SYNM: variants seen among roughly 807,000 people sequenced by gnomAD.
SYNM encodes the protein desmuslin.
A neutral mutation model predicts 104.0 loss-of-function variants in SYNM; 95 were observed. The ratio of observed to expected loss-of-function variants is 0.91; its 90% CI spans 0.77 to 1.08. The LOEUF is 1.08. SYNM is among the 50% of genes least tolerant of loss of function. The pLI, the probability that SYNM is intolerant of heterozygous loss-of-function variation, is 0.00. For missense variants in SYNM, 2,150 were observed against 2,052.2 expected (o/e 1.05, Z -0.92); for synonymous variants, 918 against 869.0 (o/e 1.06, Z -0.99).
intron 1 of SYNM, among the ~76,000 whole-genome samples, chr15:99,108,791 G>GT (rs2067273142): frequency 6.6e-6 from 1 of 152,106 alleles, no homozygotes; most frequent in Non-Finnish European, 1.5e-5. Flanking sequence ...CTGGGCGTCC[G>GT]TTTCTCTCTT....
chr15:99,110,308 A>G (rs1433133745), intron 1 of SYNM, among the ~76,000 whole-genome samples: 3 of 152,178 alleles, frequency 2.0e-5, no homozygotes, highest in African/African-American at 7.2e-5. Flanking sequence ...CCAATTGTAT[A>G]CACCCTGGGA....
At chr15:99,106,070 C>T in intron 1 of SYNM, 61 bp downstream of exon 1, 10 of 1,349,366 alleles carry the variant, frequency 7.4e-6, no homozygotes, top group Non-Finnish European at 7.6e-6. Context: ...AGCACCCTGC[C>T]CTTGACGGCG....
intron 3 of SYNM, among the ~76,000 whole-genome samples, chr15:99,127,696 G>A (rs2067460125): frequency 6.6e-6 from 1 of 152,180 alleles, no homozygotes; most frequent in South Asian, 2.1e-4. Context: ...AAAAAGCAAA[G>A]GTGTTCATGG....
At chr15:99,136,755 G>GTGACC, downstream of SYNM, 1 of 151,720 alleles carries the variant, frequency 6.6e-6, no homozygotes, top group Non-Finnish European at 1.5e-5. Context: ...GGTGAGTAGT[G>GTGACC]ACATCTTACA....
chr15:99,120,551 C>T (rs549551917), intron 2 of SYNM, among the ~76,000 whole-genome samples: 1 of 152,286 alleles, frequency 6.6e-6, no homozygotes, highest in Admixed American at 6.5e-5. Context: ...CCTCAGCCTT[C>T]TCTGGAGACA....
At position 99,105,918 on chromosome 15, in the gene SYNM, A is replaced by G. The variant is rs1555482680; in HGVS notation, c.719A>G (p.Glu240Gly). The change falls in exon 1 of 4, where the codon GAG becomes GGG. Residue 240 changes from glutamate (E) to glycine (G), a missense_variant. Physicochemically the swap from Glu to Gly is moderately conservative, Grantham distance 98 (BLOSUM62 -2). Coordinates refer to ENST00000336292, the MANE Select transcript of SYNM (RefSeq NM_145728.3). ...CAQEAEALRR[E>G]ALGLEQLRAR... ...CAGGAGGCAGAGGCGCTGCGGCGCG[A>G]GGCGCTCGGGTTGGAGCAGCTGCGC... The G allele has an allele frequency of 6.5e-6, 10 of 1,531,606 alleles. No homozygotes were observed. Among genetic ancestry groups the G allele is most frequent in the Non-Finnish European group, 8.7e-6 (10 of 1,144,144 alleles). 94.9% of individuals were successfully genotyped at this position (1,531,606 alleles called of 1,614,324 possible). A position where few individuals can be genotyped will look rare whatever the true frequency, so the allele number is the denominator to read the frequency against.
rs782685386 is a variant in SYNM, at chr15:99,105,441, C to T, written c.242C>T (p.Ala81Val). The T allele has an allele frequency of 2.1e-6, 3 of 1,442,178 alleles. No homozygotes were observed. The highest frequency in any genetic ancestry group is 4.9e-4 in the Middle Eastern group (2 of 4,072). 89.3% of individuals were successfully genotyped at this position (1,442,178 alleles called of 1,614,324 possible). A position where few individuals can be genotyped will look rare whatever the true frequency, so the allele number is the denominator to read the frequency against. ...LDELSWATALAEGERDALRRE... is the reference protein window; with the variant it reads ...LDELSWATALVEGERDALRRE... ...GAGCTGAGCTGGGCCACTGCGCTGG[C>T]GGAGGGCGAGCGGGACGCTCTGCGG... Residue 81 changes from alanine (A) to valine (V), a missense_variant, in exon 1 of 4, where the codon GCG becomes GTG. Coordinates refer to ENST00000336292, the MANE Select transcript of SYNM (RefSeq NM_145728.3).
chr15:99,116,974 C>T (rs558804955), intron 2 of SYNM, among the ~76,000 whole-genome samples: 3 of 144,032 alleles, frequency 2.1e-5, no homozygotes, highest in Admixed American at 1.4e-4. Flanking sequence ...TGTGCCTAGC[C>T]GGTGCTGGGT....
In SYNM at chr15:99,131,488, G is replaced by A. The variant is rs201419358; in HGVS notation, c.3128G>A (p.Arg1043His). The A allele has an allele frequency of 9.9e-5, 159 of 1,605,970 alleles. 1 individual carries two copies. In the African/African-American group the frequency reaches 1.9e-3, roughly 19 times the overall value. ...GTTCGGGAGAGCCTGAGCAGGCAAC[G>A]CAGCCCAGCGCCTGGCAGCCCAGAT... ...SVVRESLSRQ[R>H]SPAPGSPDEE... The change falls in exon 4 of 4, where the codon CGC becomes CAC. Residue 1043 changes from arginine to histidine, a missense_variant. Transcript: ENST00000336292. The surrounding 1 kb of genome is among the most constrained non-coding windows in gnomAD (Gnocchi z 4.3).
chr15:99,129,052 A>G (rs1555485331), intron 3 of SYNM: 2 of 243,946 alleles, frequency 8.2e-6, no homozygotes, highest in East Asian at 1.7e-4. Flanking sequence ...CACAAAAACG[A>G]GCACCTCTGA....
chr15:99,139,224 A>G (rs782276322), downstream of SYNM: 31 of 1,492,902 alleles, frequency 2.1e-5, no homozygotes, highest in Non-Finnish European at 2.8e-5. Context: ...CATTCCAGAG[A>G]AGGTTACACA....
Position 99,105,461 on chromosome 15 carries a change from C to G in SYNM, c.262C>G (p.Leu88Val), listed in dbSNP as rs2067223320. 2.9e-6 allele frequency: 4 copies of G among 1,402,222 alleles called. No homozygotes were observed. The highest frequency in any genetic ancestry group is 3.1e-5 in the East Asian group (1 of 32,324). The allele number at this position is 1,402,222 out of a possible 1,614,324, so 86.9% of individuals were successfully genotyped here. The change falls in exon 1 of 4, where the codon CTG (leucine) becomes GTG (valine). Residue 88 changes from leucine (L) to valine (V), a missense_variant. Coordinates refer to ENST00000336292, the MANE Select transcript of SYNM (RefSeq NM_145728.3). Reference protein sequence around the residue: ...TALAEGERDALRRELRELQRL... With the variant: ...TALAEGERDAVRRELRELQRL... ...GCTGGCGGAGGGCGAGCGGGACGCT[C>G]TGCGGCGCGAGCTGCGGGAGCTGCA...
Position 99,106,020 on chromosome 15 carries a change from G to T in SYNM, c.810+11G>T, listed in dbSNP as rs1356781281. On this transcript the variant is annotated intron_variant, in intron 1 of 3. Coordinates refer to ENST00000336292, the MANE Select transcript of SYNM (RefSeq NM_145728.3). ...GCCGAGGAGCGGCAGGTCCGTGCGC[G>T]GGGATGGCGCGCTGACCCCATACCC... 4.9e-6 allele frequency: 7 copies of T among 1,439,412 alleles called. No individual in the cohort carries two copies. In the East Asian group the frequency reaches 8.2e-5, roughly 17 times the overall value. The allele number at this position is 1,439,412 out of a possible 1,614,324, so 89.2% of individuals were successfully genotyped here.
At chr15:99,137,999 G>A (rs1555487935), downstream of SYNM, 6 of 1,613,968 alleles carry the variant, frequency 3.7e-6, no homozygotes, top group Non-Finnish European at 5.1e-6. Context: ...GGCTTTTTCA[G>A]GGTGGGGGCC....
rs1567282854 is a variant in SYNM, at chr15:99,130,043, T to G, written c.1683T>G (p.Ala561=). The G allele has an allele frequency of 1.3e-5, 21 of 1,613,774 alleles. No individual in the cohort carries two copies. The South Asian group carries it at 2.3e-4, about 18-fold the overall frequency. Residue 561 remains alanine, a synonymous_variant, in exon 4 of 4, where the codon GCT becomes GCG. Transcript: ENST00000336292. ...QRESQQMKEK[A]KEKDSPKEKS... is the part of the protein sequence containing the mutation. ...AAAGCCAGCAGATGAAGGAGAAGGCTAAGGAGAAGGACTCACCGAAGGAGA... is the reference window on the plus strand; with the variant it reads ...AAAGCCAGCAGATGAAGGAGAAGGCGAAGGAGAAGGACTCACCGAAGGAGA...
At chr15:99,115,850 G>A (rs186655291) in intron 2 of SYNM, among the ~76,000 whole-genome samples, 109 of 152,370 alleles carry the variant, frequency 7.2e-4, no homozygotes, top group African/African-American at 2.5e-3. Context: ...TACGTTGCTT[G>A]TAGTTTACAT....
Position 99,131,510 on chromosome 15 carries a change from A to G in SYNM, c.3150A>G (p.Pro1050=). 1 of 1,607,208 alleles carries G rather than the reference A, an allele frequency of 6.2e-7. No individual in the cohort carries two copies. ...AACGCAGCCCAGCGCCTGGCAGCCC[A>G]GATGAGGAAGGTGGAGCGGAGGCCC... ...SRQRSPAPGS[P]DEEGGAEAPA... is the part of the protein sequence containing the mutation. The change falls in exon 4 of 4, where the codon CCA becomes CCG. Residue 1050 remains proline (P), a synonymous_variant. Transcript: ENST00000336292. This position sits in a 1 kb window ranked among gnomAD's most constrained non-coding sequence, Gnocchi z 4.3.
intron 2 of SYNM, among the ~76,000 whole-genome samples, chr15:99,118,225 C>G (rs1437598508): frequency 6.6e-6 from 1 of 152,238 alleles, no homozygotes; most frequent in East Asian, 1.9e-4. Context: ...TTGAAAATCA[C>G]CAGTGCATGT....
chr15:99,113,515 C>A (rs1567275737), intron 1 of SYNM, 76 bp from the exon 2 acceptor site: 2 of 1,579,496 alleles, frequency 1.3e-6, no homozygotes, highest in Non-Finnish European at 1.7e-6. Context: ...CAATTCGATC[C>A]TGAATTGTTG....
Sources: gnomAD v4.1 joint callset for allele counts (sites outside exome capture counted in the v4.1 genomes callset) on GRCh38, gnomAD v4.1.1 for gene constraint, Gnocchi (gnomAD v3.1) non-coding constraint, MANE v1.5 for transcripts, NCBI Gene and HGNC (gene_info 2026-07-23, HGNC 2026-07-21) for gene names.